The following MACROD1 variants were observed in gnomAD, a reference collection of about 807,000 sequenced individuals.
MACROD1 encodes mono-ADP ribosylhydrolase 1, also known as ADP-ribose glycohydrolase MACROD1.
A neutral mutation model predicts 41.4 loss-of-function variants in MACROD1; 31 were observed. The ratio of observed to expected loss-of-function variants is 0.75; its 90% CI spans 0.56 to 1.01. MACROD1 has a LOEUF of 1.01. MACROD1 is among the 50% of genes least tolerant of loss of function. The probability of loss-of-function intolerance (pLI) is 0.00; values close to 1 mark genes in which losing one functional copy is unlikely to be tolerated. For missense variants in MACROD1, 473 were observed against 460.0 expected (o/e 1.03, Z -0.26); for synonymous variants, 252 against 203.4 (o/e 1.24, Z -2.03).
chr11:64,080,600 C>A (rs561526490), intron 3 of MACROD1, among the ~76,000 whole-genome samples: 1 of 152,264 alleles, frequency 6.6e-6, no homozygotes, highest in Admixed American at 6.5e-5. Flanking sequence ...AACACGTAGG[C>A]GTTCAGCAAG....
At chr11:63,999,198 T>C (rs886448095) in intron 8 of MACROD1, 133 bp downstream of exon 8, 37 of 1,375,068 alleles carry the variant, frequency 2.7e-5, no homozygotes, top group Non-Finnish European at 7.9e-6. Context: ...CCAGGCGCCC[T>C]TGCGCAGGAG....
chr11:64,061,022 C>T (rs1028935474), intron 3 of MACROD1, among the ~76,000 whole-genome samples: 1 of 152,150 alleles, frequency 6.6e-6, no homozygotes, highest in Non-Finnish European at 1.5e-5. Flanking sequence ...GCATCCTCAA[C>T]CGCGGCCTCC....
intron 3 of MACROD1, among the ~76,000 whole-genome samples, chr11:64,071,072 C>T (rs555008537): frequency 2.0e-5 from 3 of 152,282 alleles, no homozygotes; most frequent in African/African-American, 7.2e-5. Context: ...GGACACCAGG[C>T]CTTTGTCTCT....
At position 64,034,274 on chromosome 11, in the gene MACROD1, C is replaced by T. The variant is rs527318041; in HGVS notation, c.518-18993G>A. 7.9e-5 allele frequency among the ~76,000 whole-genome samples: 12 copies of T among 152,334 alleles called. No homozygotes were observed. In the East Asian group the frequency reaches 2.1e-3, roughly 27 times the overall value. ...ACCACAGCTCTGTAAAAATTACAGC[C>T]GTCTCTGCATGGACAAGCCTGGAAG... is the stretch of plus-strand genomic sequence containing the variant. On this transcript the variant is annotated intron_variant, in intron 3 of 10. Transcript: ENST00000255681.
chr11:64,136,470 G>A lies in MACROD1; in HGVS notation c.517+14769C>T, dbSNP rs117372506. Among the ~76,000 whole-genome samples the A allele has an allele frequency of 8.7e-4, 132 of 152,316 alleles. No individual in the cohort carries two copies. The East Asian group carries it at 0.025, about 28-fold the overall frequency. On this transcript the variant is annotated intron_variant, in intron 3 of 10. Transcript: ENST00000255681. ...GAGCTGCTGGATGAGGGTGGGATGCGTTGGCAGCTGCAAGGCTGGGCCCAG... is the reference window on the plus strand; with the variant it reads ...GAGCTGCTGGATGAGGGTGGGATGCATTGGCAGCTGCAAGGCTGGGCCCAG...
intron 1 of MACROD1, among the ~76,000 whole-genome samples, chr11:64,163,529 G>A (rs955802721): frequency 2.6e-5 from 4 of 152,154 alleles, no homozygotes; most frequent in Non-Finnish European, 5.9e-5. Context: ...TGCTCTGGGG[G>A]AAAAGCTTAG....
At chr11:64,051,248 G>A (rs1016045253) in intron 3 of MACROD1, among the ~76,000 whole-genome samples, 5 of 152,240 alleles carry the variant, frequency 3.3e-5, no homozygotes, top group African/African-American at 4.8e-5. Context: ...CTTACCCCAC[G>A]TAGGTGCCCA....
At chr11:64,123,835 A>G (rs73498195) in intron 3 of MACROD1, among the ~76,000 whole-genome samples, 164 of 152,262 alleles carry the variant, frequency 1.1e-3, no homozygotes, top group African/African-American at 3.6e-3. Context: ...GTCAGGGAAG[A>G]GAAACTCTAG....
intron 3 of MACROD1, among the ~76,000 whole-genome samples, chr11:64,136,879 T>TG (rs1366296913): frequency 6.6e-6 from 1 of 151,664 alleles, no homozygotes; most frequent in Non-Finnish European, 1.5e-5. Flanking sequence ...TCTGCAGGGA[T>TG]GGGGGGATGA....
intron 1 of MACROD1, among the ~76,000 whole-genome samples, chr11:64,158,993 C>T (rs1945711237): frequency 1.3e-5 from 2 of 151,558 alleles, no homozygotes; most frequent in South Asian, 4.2e-4. Context: ...CAAGACCAGC[C>T]TGGCCAACAT....
intron 3 of MACROD1, among the ~76,000 whole-genome samples, chr11:64,061,097 C>T (rs1268904810): frequency 6.6e-6 from 1 of 152,278 alleles, no homozygotes; most frequent in Admixed American, 6.5e-5. Flanking sequence ...GAGAGCCTCG[C>T]GCTGGAAGGA....
intron 3 of MACROD1, among the ~76,000 whole-genome samples, chr11:64,046,298 A>T (rs1292822777): frequency 1.3e-5 from 2 of 152,176 alleles, no homozygotes; most frequent in East Asian, 3.9e-4. Context: ...CTAGTAGCAA[A>T]CTTAGTTGCT....
At chr11:64,136,999 C>T (rs534298614) in intron 3 of MACROD1, among the ~76,000 whole-genome samples, 4 of 152,360 alleles carry the variant, frequency 2.6e-5, no homozygotes, top group African/African-American at 9.6e-5. Flanking sequence ...ATTCATGCAG[C>T]CGCCTGTGTG....
chr11:64,050,435 G>A (rs1284211235), intron 3 of MACROD1, among the ~76,000 whole-genome samples: 2 of 152,218 alleles, frequency 1.3e-5, no homozygotes, highest in African/African-American at 4.8e-5. Context: ...GACAGTGGTG[G>A]GGACCCAGAT....
At chr11:64,017,587 A>G (rs1943098195) in intron 3 of MACROD1, among the ~76,000 whole-genome samples, 1 of 152,036 alleles carries the variant, frequency 6.6e-6, no homozygotes, top group Admixed American at 6.5e-5. Flanking sequence ...AGTACCCCGC[A>G]AGCCCCAGAT....
rs1565240655 is a variant in MACROD1, at chr11:64,116,320, TCACGGCCACCGTTGTGATGAC to T, written c.517+34898_517+34918del. ...GCCACCACCACGCCCACTGCCACTG[TCACGGCCACCGTTGTGATGAC>T]CACGGCCACCATGGACCTGCGGGAC... On this transcript the variant is annotated intron_variant, in intron 3 of 10. Transcript: ENST00000255681. 1 of 1,609,572 alleles carries T rather than the reference TCACGGCCACCGTTGTGATGAC, an allele frequency of 6.2e-7. No homozygotes were observed. The highest frequency in any genetic ancestry group is 8.5e-7 in the Non-Finnish European group (1 of 1,178,860).
intron 3 of MACROD1, among the ~76,000 whole-genome samples, chr11:64,029,339 G>T (rs1309048094): frequency 6.6e-6 from 1 of 152,164 alleles, no homozygotes; most frequent in Non-Finnish European, 1.5e-5. Context: ...GCATCTGGCG[G>T]CCGGCAGAAG....
chr11:64,026,074 G>C (rs536060944), intron 3 of MACROD1, among the ~76,000 whole-genome samples: 1 of 152,092 alleles, frequency 6.6e-6, no homozygotes. Flanking sequence ...CCAGCTACTC[G>C]GGAGGCTAAG....
At position 64,036,768 on chromosome 11, in the gene MACROD1, C is replaced by T. The variant is rs111299783; in HGVS notation, c.518-21487G>A. ...GGGGCTGGGGCCGTACACCTGGCGG[C>T]TGGAACGGTGAGACCATGGTGCCTG... On this transcript the variant is annotated intron_variant, in intron 3 of 10. Transcript: ENST00000255681. This position sits in a 1 kb window ranked among gnomAD's most constrained non-coding sequence, Gnocchi z 5.6. 9.6e-4 allele frequency among the ~76,000 whole-genome samples: 146 copies of T among 152,318 alleles called. No homozygotes were observed. Among genetic ancestry groups the T allele is most frequent in the African/African-American group, 3.2e-3 (134 of 41,576 alleles).
Sources: gnomAD v4.1 joint callset for allele counts (sites outside exome capture counted in the v4.1 genomes callset) on GRCh38, gnomAD v4.1.1 for gene constraint, Gnocchi (gnomAD v3.1) non-coding constraint, MANE v1.5 for transcripts, NCBI Gene and HGNC (gene_info 2026-07-23, HGNC 2026-07-21) for gene names.